Variants in STAU1 observed in about 807,000 individuals in gnomAD.
STAU1 encodes staufen double-stranded RNA binding protein 1, also known as double-stranded RNA-binding protein Staufen homolog 1.
STAU1 carries 13 observed loss-of-function variants against 62.9 expected under a neutral mutation model. The observed-to-expected ratio is 0.21, with a 90% CI of 0.13 to 0.33. STAU1 has a LOEUF of 0.33. Among genes scored for constraint, STAU1 ranks in the 10% least tolerant of loss-of-function variants. The pLI is 1.00. For missense variants in STAU1, 571 were observed against 712.1 expected (o/e 0.80, Z 2.25); for synonymous variants, 269 against 265.1 (o/e 1.01, Z -0.14).
At chr20:49,162,065 G>A (rs4141783) in intron 3 of STAU1, among the ~76,000 whole-genome samples, 16,118 of 152,116 alleles carry the variant, frequency 0.11, 1,001 homozygotes, top group Non-Finnish European at 0.13. Context: ...CCATTATTTC[G>A]CTAAACTCAA....
the STAU1 span, among the ~76,000 whole-genome samples, chr20:49,198,734 C>T: frequency 1.9e-4 from 29 of 151,040 alleles, no homozygotes; most frequent in Non-Finnish European, 3.2e-4. Flanking sequence ...GAGGCCGAGG[C>T]GGGCAGATCA....
intron 3 of STAU1, among the ~76,000 whole-genome samples, chr20:49,160,670 G>T (rs2093434276): frequency 6.6e-6 from 1 of 152,136 alleles, no homozygotes; most frequent in South Asian, 2.1e-4. Context: ...ATTATAGTCA[G>T]ACTTTCATTC....
chr20:49,137,819 C>T (rs2092921206), intron 5 of STAU1, among the ~76,000 whole-genome samples: 1 of 149,470 alleles, frequency 6.7e-6, no homozygotes, highest in African/African-American at 2.5e-5. Context: ...GCACCCACCA[C>T]CACACCCGGC....
At chr20:49,185,401 G>A (rs981880348) in intron 1 of STAU1, among the ~76,000 whole-genome samples, 2 of 152,170 alleles carry the variant, frequency 1.3e-5, no homozygotes, top group Admixed American at 1.3e-4. Flanking sequence ...CAGCAAGGTT[G>A]TATTTTGATT....
At chr20:49,180,834 T>C (rs1299621261) in intron 1 of STAU1, among the ~76,000 whole-genome samples, 3 of 152,206 alleles carry the variant, frequency 2.0e-5, no homozygotes, top group African/African-American at 7.2e-5. Context: ...TTCTTTCAAA[T>C]TGATCTAGGG....
chr20:49,118,497 C>T, intron 9 of STAU1, 89 bp from the exon 10 acceptor site: 1 of 1,029,248 alleles, frequency 9.7e-7, no homozygotes, highest in Non-Finnish European at 1.4e-6. Flanking sequence ...TACACAAAGT[C>T]CAGTCAGCAA....
intron 5 of STAU1, among the ~76,000 whole-genome samples, chr20:49,142,063 G>GAAC (rs71184265): frequency 5.4e-4 from 82 of 150,468 alleles, no homozygotes; most frequent in Admixed American, 7.9e-4. Flanking sequence ...ATCTCAACAA[G>GAAC]AACAACAACA....
chr20:49,216,105 C>G, the STAU1 span, among the ~76,000 whole-genome samples: 1 of 148,724 alleles, frequency 6.7e-6, no homozygotes, highest in African/African-American at 2.5e-5. Flanking sequence ...AATTGGGGGG[C>G]ATAGCTGGGT....
chr20:49,212,051 C>T, the STAU1 span, among the ~76,000 whole-genome samples: 5 of 151,926 alleles, frequency 3.3e-5, no homozygotes, highest in Admixed American at 6.6e-5. Flanking sequence ...TGCAGTGGCA[C>T]GGTCATGGCT....
chr20:49,170,786 A>G (rs6125578), intron 2 of STAU1, among the ~76,000 whole-genome samples: 18,409 of 80,684 alleles, frequency 0.23, 1,295 homozygotes, highest in South Asian at 0.35. Flanking sequence ...TGTGTCTGGG[A>G]AAAAAAAAAA....
chr20:49,134,527 C>T (rs909766979), intron 6 of STAU1: 7 of 1,260,040 alleles, frequency 5.6e-6, no homozygotes, highest in Admixed American at 3.4e-5. Flanking sequence ...CCAAACTCAT[C>T]GGAAACATAG....
rs540108556 is a variant in STAU1, at chr20:49,120,154, C to A, written c.967-26G>T. The A allele has an allele frequency of 3.1e-6, 5 of 1,602,914 alleles. No homozygotes were observed. In the South Asian group the frequency reaches 5.5e-5, roughly 18 times the overall value. ...CTGCACAAAGAAGTCAAAACACAGA[C>A]CAGTGCTTAAACCTTCAGAATAACA... On this transcript the variant is annotated intron_variant, in intron 8 of 13. Transcript: ENST00000371856.
intron 5 of STAU1, among the ~76,000 whole-genome samples, chr20:49,145,283 CG>C (rs1163539473): frequency 2.7e-5 from 4 of 150,386 alleles, no homozygotes; most frequent in Non-Finnish European, 5.9e-5. Flanking sequence ...AATTAGCCGG[CG>C]GTAGTGGCAC....
At chr20:49,196,525 G>C in the STAU1 span, among the ~76,000 whole-genome samples, 127 of 151,692 alleles carry the variant, frequency 8.4e-4, no homozygotes, top group Middle Eastern at 3.4e-3. Flanking sequence ...GGCAGCTCAC[G>C]CCTGTAATCC....
chr20:49,165,372 C>T (rs1219340353), intron 3 of STAU1, among the ~76,000 whole-genome samples: 1 of 149,210 alleles, frequency 6.7e-6, no homozygotes, highest in African/African-American at 2.5e-5. Flanking sequence ...ACAGTGTCTC[C>T]CTCTTGCCCA....
the STAU1 span, among the ~76,000 whole-genome samples, chr20:49,193,547 T>G: frequency 2.0e-5 from 3 of 152,176 alleles, no homozygotes; most frequent in Non-Finnish European, 4.4e-5. Flanking sequence ...GGTGCCCACC[T>G]GTAGTCCCAG....
chr20:49,134,792 A>G (rs1012906747), intron 6 of STAU1: 1 of 1,277,900 alleles, frequency 7.8e-7, no homozygotes, highest in African/African-American at 1.5e-5. Context: ...TAGTTTTCCC[A>G]TTCCTGGAGA....
At chr20:49,211,324 T>C in the STAU1 span, among the ~76,000 whole-genome samples, 1 of 152,024 alleles carries the variant, frequency 6.6e-6, no homozygotes, top group Admixed American at 6.6e-5. Flanking sequence ...TCACTTCTTT[T>C]GGGTGTATAC....
At chr20:49,134,852 G>T in intron 6 of STAU1, 1 of 1,563,360 alleles carries the variant, frequency 6.4e-7, no homozygotes, top group Non-Finnish European at 8.8e-7. Flanking sequence ...AAACAAACAG[G>T]AAGATGAAGT....
Sources: allele counts gnomAD v4.1 joint callset (sites outside exome capture counted in the v4.1 genomes callset), GRCh38; gene constraint gnomAD v4.1.1; transcripts MANE v1.5; gene names NCBI Gene and HGNC (gene_info 2026-07-23, HGNC 2026-07-21).